The following TYW1 variants were observed in gnomAD, a reference collection of about 807,000 sequenced individuals.
TYW1 encodes S-adenosyl-L-methionine-dependent tRNA 4-demethylwyosine synthase TYW1.
Under a neutral mutation model 96.2 loss-of-function variants are expected in TYW1, and 46 were observed. The ratio of observed to expected loss-of-function variants is 0.48; its 90% CI spans 0.38 to 0.61. The LOEUF (loss-of-function observed/expected upper bound fraction) is 0.61, where lower values mean the gene tolerates loss of function less well. Among genes scored for constraint, TYW1 ranks in the 20% least tolerant of loss-of-function variants. The pLI, the probability that TYW1 is intolerant of heterozygous loss-of-function variation, is 0.00. For synonymous variants in TYW1, 274 were observed against 323.0 expected (o/e 0.85, Z 1.63); for missense variants, 684 against 909.6 (o/e 0.75, Z 3.19).
In TYW1 at chr7:67,008,114, T is replaced by C. The variant is rs529720418; in HGVS notation, c.274-1469T>C. On this transcript the variant is annotated intron_variant, in intron 3 of 15. Transcript: ENST00000359626. ...AGACCTCAGGAAGTTGCTTGACTTA[T>C]GTTTAGTGGTTTATCATAAAGGATG... Among the ~76,000 whole-genome samples, 10 of 152,204 alleles carry C rather than the reference T, an allele frequency of 6.6e-5. No homozygotes were observed. In the East Asian group the frequency reaches 1.7e-3, roughly 26 times the overall value.
At chr7:67,111,442 C>T (rs1797402920) in intron 12 of TYW1, among the ~76,000 whole-genome samples, 1 of 152,202 alleles carries the variant, frequency 6.6e-6, no homozygotes, top group South Asian at 2.1e-4. Flanking sequence ...CTCAAGTGAT[C>T]TGCCCCTCTC....
intron 15 of TYW1, among the ~76,000 whole-genome samples, chr7:67,215,748 A>G (rs1801180416): frequency 6.6e-6 from 1 of 152,128 alleles, no homozygotes; most frequent in Non-Finnish European, 1.5e-5. Context: ...GAGAGCCAGT[A>G]TGAGTCCCAA....
chr7:67,206,600 C>A (rs1384070030), intron 15 of TYW1, among the ~76,000 whole-genome samples: 5 of 149,804 alleles, frequency 3.3e-5, no homozygotes, highest in Non-Finnish European at 7.4e-5. Context: ...CACTGGGCGA[C>A]AAAATGAGAC....
chr7:67,160,080 A>G (rs1815100), intron 13 of TYW1, among the ~76,000 whole-genome samples: 37,484 of 151,792 alleles, frequency 0.25, 4,729 homozygotes, highest in South Asian at 0.3. Context: ...GGGATTACAG[A>G]CATGAGCCAC....
intron 12 of TYW1, among the ~76,000 whole-genome samples, chr7:67,111,743 G>T (rs1360618280): frequency 6.6e-6 from 1 of 152,146 alleles, no homozygotes; most frequent in African/African-American, 2.4e-5. Flanking sequence ...CAACACACTT[G>T]TTAAATAACC....
chr7:67,144,615 C>T (rs1006727848), intron 13 of TYW1, among the ~76,000 whole-genome samples: 8 of 152,098 alleles, frequency 5.3e-5, no homozygotes, highest in African/African-American at 1.2e-4. Context: ...GAACTACAGG[C>T]GTGTGTCACC....
intron 10 of TYW1, among the ~76,000 whole-genome samples, chr7:67,075,073 T>C (rs1382382139): frequency 2.0e-5 from 3 of 152,216 alleles, no homozygotes; most frequent in Non-Finnish European, 2.9e-5. Context: ...TACAACATGA[T>C]GTACATAGAT....
At chr7:67,125,314 GTTA>G (rs945451293) in intron 13 of TYW1, among the ~76,000 whole-genome samples, 2 of 151,426 alleles carry the variant, frequency 1.3e-5, no homozygotes, top group Non-Finnish European at 2.9e-5. Flanking sequence ...CAGAAGTGTT[GTTA>G]TTATTATTTT....
chr7:67,058,411 T>C lies in TYW1; in HGVS notation c.1155+2524T>C, dbSNP rs117171400. On this transcript the variant is annotated intron_variant, in intron 9 of 15. Coordinates refer to ENST00000359626, the MANE Select transcript of TYW1 (RefSeq NM_018264.4). ...TGGCAGGAGCTCTTCAGGGGGTCAT[T>C]GGCCGAGGGGGCGGACAGAGTTGCT... is the stretch of plus-strand genomic sequence containing the variant. Among the ~76,000 whole-genome samples, 241 of 152,296 alleles carry C rather than the reference T, an allele frequency of 1.6e-3. 4 individuals are homozygous for C. The East Asian group carries it at 0.039, about 25-fold the overall frequency.
chr7:67,219,845 G>GTTTTTTTTT (rs57991071), intron 15 of TYW1, among the ~76,000 whole-genome samples: 2 of 132,070 alleles, frequency 1.5e-5, no homozygotes, highest in Non-Finnish European at 1.6e-5. Flanking sequence ...GGTTTTGTGG[G>GTTTTTTTTT]TTTTTTTTTT....
intron 7 of TYW1, among the ~76,000 whole-genome samples, chr7:67,048,419 C>G (rs1404007329): frequency 6.6e-6 from 1 of 150,438 alleles, no homozygotes; most frequent in Admixed American, 6.7e-5. Context: ...ATTTCTGCAG[C>G]TGTCAGTAAG....
chr7:67,238,219 G>T, intron 15 of TYW1, 89 bp from the exon 16 acceptor site: 1 of 1,557,528 alleles, frequency 6.4e-7, no homozygotes. Context: ...AGGGAGAAAA[G>T]ATCAGACTTG....
intron 13 of TYW1, among the ~76,000 whole-genome samples, chr7:67,120,686 GTTCT>G (rs762102804): frequency 6.6e-6 from 1 of 152,212 alleles, no homozygotes; most frequent in Non-Finnish European, 1.5e-5. Flanking sequence ...TCTAGGCTGT[GTTCT>G]TTGAGTATGG....
chr7:67,015,355 T>A (rs548826179), intron 5 of TYW1, among the ~76,000 whole-genome samples: 1 of 152,108 alleles, frequency 6.6e-6, no homozygotes, highest in African/African-American at 2.4e-5. Flanking sequence ...TTTTTTAAAA[T>A]TATGTTTATT....
At position 67,009,668 on chromosome 7, in the gene TYW1, A is replaced by G. The variant is rs1442538669; in HGVS notation, c.359A>G (p.Asp120Gly). 1 of 1,607,102 alleles carries G rather than the reference A, an allele frequency of 6.2e-7. No individual in the cohort carries two copies. Among genetic ancestry groups the G allele is most frequent in the Non-Finnish European group, 8.5e-7 (1 of 1,178,036 alleles). Reference sequence around the variant, plus strand: ...AATCTAAAAGAATATGATCCAGATGATCATCTGATAGAAGAGGTTGGTAAT... The same window carrying G: ...AATCTAAAAGAATATGATCCAGATGGTCATCTGATAGAAGAGGTTGGTAAT... ...IINLKEYDPD[D>G]HLIEEVTSKN... Residue 120 changes from aspartate (D) to glycine (G), a missense_variant, in exon 4 of 16, where the codon GAT (aspartate) becomes GGT (glycine). Coordinates refer to ENST00000359626, the MANE Select transcript of TYW1 (RefSeq NM_018264.4).
chr7:67,166,341 A>AATATATATTATATATTATATATC (rs1799327530), intron 13 of TYW1, among the ~76,000 whole-genome samples: 1 of 141,800 alleles, frequency 7.1e-6, no homozygotes, highest in Non-Finnish European at 1.5e-5. Context: ...TAATATATAT[A>AATATATATTATATATTATATATC]ATATATAATT....
intron 8 of TYW1, among the ~76,000 whole-genome samples, chr7:67,054,597 C>T (rs1188493999): frequency 6.6e-6 from 1 of 152,206 alleles, no homozygotes; most frequent in Non-Finnish European, 1.5e-5. Flanking sequence ...AACTTGTAAT[C>T]AAAATTGACA....
intron 12 of TYW1, among the ~76,000 whole-genome samples, chr7:67,109,457 G>A (rs1454586985): frequency 6.6e-6 from 1 of 151,998 alleles, no homozygotes; most frequent in Non-Finnish European, 1.5e-5. Context: ...TTTACCTGTG[G>A]AAATTAACCA....
At position 67,233,652 on chromosome 7, in the gene TYW1, T is replaced by C. The variant is rs189401448; in HGVS notation, c.1978-4656T>C. ...TGTCTCAGGATACTTAACTTCAGATTTTACGATTTGGGGTCTCATGCCTCT... is the reference window on the plus strand; with the variant it reads ...TGTCTCAGGATACTTAACTTCAGATCTTACGATTTGGGGTCTCATGCCTCT... On this transcript the variant is annotated intron_variant, in intron 15 of 15. Coordinates refer to ENST00000359626, the MANE Select transcript of TYW1 (RefSeq NM_018264.4). Among the ~76,000 whole-genome samples, 28 of 136,366 alleles carry C rather than the reference T, an allele frequency of 2.1e-4. 4 individuals are homozygous for C. The highest frequency in any genetic ancestry group is 5.9e-4 in the Admixed American group (8 of 13,582). 89.5% of individuals were successfully genotyped at this position (136,366 alleles called of 152,430 possible).
Sources: gnomAD v4.1 joint callset for allele counts (sites outside exome capture counted in the v4.1 genomes callset) on GRCh38, gnomAD v4.1.1 for gene constraint, MANE v1.5 for transcripts, NCBI Gene and HGNC (gene_info 2026-07-23, HGNC 2026-07-21) for gene names.